The following AGBL1 variants were observed in gnomAD, a reference collection of about 807,000 sequenced individuals.
AGBL1 encodes the protein cytosolic carboxypeptidase 4.
Under a neutral mutation model 118.9 loss-of-function variants are expected in AGBL1, and 130 were observed. The ratio of observed to expected loss-of-function variants is 1.09; its 90% CI spans 0.95 to 1.26. The LOEUF is 1.26. Ranked by LOEUF, AGBL1 falls within the 50% of genes most tolerant of loss-of-function variation. The pLI is 0.00. For synonymous variants in AGBL1, 555 were observed against 478.9 expected (o/e 1.16, Z -2.08); for missense variants, 1,584 against 1,298.1 (o/e 1.22, Z -3.38).
chr15:86,949,482 G>A (rs2080857081), intron 23 of AGBL1, among the ~76,000 whole-genome samples: 1 of 151,964 alleles, frequency 6.6e-6, no homozygotes, highest in Non-Finnish European at 1.5e-5. Context: ...AAAACTCCTA[G>A]AATAGAGAGG....
Position 86,636,786 on chromosome 15 carries a change from G to A in AGBL1, c.2995-37487G>A, listed in dbSNP as rs193206689. On this transcript the variant is annotated intron_variant, in intron 21 of 22. Coordinates refer to ENST00000614907, the MANE Select transcript of AGBL1 (RefSeq NM_001386094.1). ...ACATACATACAGAAAGGCAAGAGAA[G>A]ATTACCTTCTTTAATACATTTAACT... is the stretch of plus-strand genomic sequence containing the variant. Among the ~76,000 whole-genome samples the A allele has an allele frequency of 2.2e-3, 253 of 112,564 alleles. 6 individuals carry two copies. Among genetic ancestry groups the A allele is most frequent in the Non-Finnish European group, 3.7e-3 (203 of 55,388 alleles). The allele number at this position is 112,564 out of a possible 152,430, so 73.8% of individuals were successfully genotyped here.
chr15:86,969,357 T>A (rs139280257), intron 23 of AGBL1, among the ~76,000 whole-genome samples: 88 of 151,600 alleles, frequency 5.8e-4, no homozygotes, highest in African/African-American at 1.9e-3. Context: ...CCAACTTGAG[T>A]TGTTGCAAGA....
At chr15:86,666,419 T>C (rs901780778) in intron 21 of AGBL1, among the ~76,000 whole-genome samples, 2 of 152,306 alleles carry the variant, frequency 1.3e-5, no homozygotes, top group Admixed American at 1.3e-4. Context: ...TCTAATAAAT[T>C]TTGTCTTTCA....
intron 23 of AGBL1, among the ~76,000 whole-genome samples, chr15:86,984,679 ATTGAG>A (rs1308914166): frequency 3.3e-5 from 5 of 152,008 alleles, no homozygotes; most frequent in Non-Finnish European, 5.9e-5. Context: ...TCTTTTTATG[ATTGAG>A]TTAAGTGTCC....
intron 18 of AGBL1, among the ~76,000 whole-genome samples, chr15:86,457,528 T>G (rs992069378): frequency 1.3e-4 from 20 of 152,122 alleles, no homozygotes; most frequent in East Asian, 3.9e-4. Context: ...TTCAGGAGAA[T>G]TTTAGAGTCA....
At chr15:86,897,764 C>CTTTTTTTTTT (rs71460231) in intron 22 of AGBL1, among the ~76,000 whole-genome samples, 254 of 80,630 alleles carry the variant, frequency 3.2e-3, no homozygotes, top group African/African-American at 3.8e-3. Context: ...CATCTTTTAT[C>CTTTTTTTTTT]TTTTTTTTTT....
chr15:86,283,684 T>C (rs1344721525), intron 16 of AGBL1, among the ~76,000 whole-genome samples: 3 of 152,092 alleles, frequency 2.0e-5, no homozygotes, highest in African/African-American at 7.2e-5. Flanking sequence ...ATCAGCACTG[T>C]CAAGTAATCA....
intron 21 of AGBL1, among the ~76,000 whole-genome samples, chr15:86,602,902 T>C (rs1010074601): frequency 2.0e-5 from 3 of 152,176 alleles, no homozygotes; most frequent in African/African-American, 7.2e-5. Context: ...CCTCCAGCAG[T>C]GGACCAGTGG....
rs68185029 is a variant in AGBL1, at chr15:86,849,517, C to CTTTTTTTTT, written c.3159-57563_3159-57555dup. ...AGGTGATGGCTTTCTTTCTTTCTTT[C>CTTTTTTTTT]TTTTTTTTTTTTTTTGGCTGATCTT... On this transcript the variant is annotated intron_variant, in intron 22 of 22. Transcript: ENST00000614907. 1.9e-3 allele frequency among the ~76,000 whole-genome samples: 255 copies of CTTTTTTTTT among 136,726 alleles called. 4 individuals are homozygous for CTTTTTTTTT. The highest frequency in any genetic ancestry group is 6.1e-3 in the African/African-American group (229 of 37,294). 89.7% of individuals were successfully genotyped at this position (136,726 alleles called of 152,430 possible).
chr15:86,775,007 A>T (rs1298350589), intron 22 of AGBL1, among the ~76,000 whole-genome samples: 1 of 152,198 alleles, frequency 6.6e-6, no homozygotes, highest in Non-Finnish European at 1.5e-5. Flanking sequence ...TTGTTTATTC[A>T]TATCCCAAAA....
At chr15:86,647,542 A>G (rs1006373101) in intron 21 of AGBL1, among the ~76,000 whole-genome samples, 2 of 152,294 alleles carry the variant, frequency 1.3e-5, no homozygotes, top group South Asian at 4.1e-4. Context: ...CTCTACTAAA[A>G]ATACAAAAAT....
chr15:87,011,227 G>A (rs1246381181), intron 24 of AGBL1, among the ~76,000 whole-genome samples: 1 of 152,174 alleles, frequency 6.6e-6, no homozygotes, highest in Non-Finnish European at 1.5e-5. Flanking sequence ...ACTGTGTATT[G>A]AAGGAGACTA....
chr15:86,123,488 C>A (rs1164070803), intron 1 of AGBL1, among the ~76,000 whole-genome samples: 1 of 152,230 alleles, frequency 6.6e-6, no homozygotes, highest in South Asian at 2.1e-4. Flanking sequence ...GATCCGCCTG[C>A]CTCGGCCTCT....
chr15:86,726,811 T>C (rs1291978497), intron 22 of AGBL1, among the ~76,000 whole-genome samples: 1 of 152,120 alleles, frequency 6.6e-6, no homozygotes, highest in Non-Finnish European at 1.5e-5. Flanking sequence ...TGCCTCGGCC[T>C]CCCAAAGTGC....
rs78455708 is a variant in AGBL1 at position 86,739,753 on chromosome 15, G to A, written c.3158+65317G>A. ...TCATTGTCCCTTTCAAAACCCTAAT[G>A]CACTGGAAACAAGGGAGGATGCAAA... On this transcript the variant is annotated intron_variant, in intron 22 of 22. Coordinates refer to ENST00000614907, the MANE Select transcript of AGBL1 (RefSeq NM_001386094.1). 2.1e-3 allele frequency among the ~76,000 whole-genome samples: 320 copies of A among 152,152 alleles called. 1 individual carries two copies. Among genetic ancestry groups the A allele is most frequent in the African/African-American group, 7.3e-3 (302 of 41,512 alleles).
At chr15:86,795,733 C>T (rs1018511198) in intron 22 of AGBL1, among the ~76,000 whole-genome samples, 4 of 151,400 alleles carry the variant, frequency 2.6e-5, no homozygotes, top group East Asian at 3.9e-4. Context: ...TACAGGTGCT[C>T]GCCACAACAC....
Position 86,306,542 on chromosome 15 carries a change from G to A in AGBL1, c.2374+11134G>A, listed in dbSNP as rs139266075. Among the ~76,000 whole-genome samples, 9 of 152,020 alleles carry A rather than the reference G, an allele frequency of 5.9e-5. No individual in the cohort carries two copies. The East Asian group carries it at 1.2e-3, about 20-fold the overall frequency. ...TACTCCATTATGTATATGTAACCAC[G>A]TTTTCTTTATTCATTCATGTGTTGA... On this transcript the variant is annotated intron_variant, in intron 17 of 22. Transcript: ENST00000614907.
chr15:86,327,538 G>A (rs2080201769), intron 17 of AGBL1, among the ~76,000 whole-genome samples: 1 of 152,178 alleles, frequency 6.6e-6, no homozygotes, highest in Non-Finnish European at 1.5e-5. Context: ...AGCGATGAAA[G>A]CCACCTAAGA....
At chr15:86,345,721 T>C (rs772608756) in intron 17 of AGBL1, among the ~76,000 whole-genome samples, 13 of 152,200 alleles carry the variant, frequency 8.5e-5, no homozygotes, top group Admixed American at 2.0e-4. Flanking sequence ...TGACAATTGA[T>C]TGGTCAATAA....
Sources: allele counts gnomAD v4.1 joint callset (sites outside exome capture counted in the v4.1 genomes callset), GRCh38; gene constraint gnomAD v4.1.1; transcripts MANE v1.5; gene names NCBI Gene and HGNC (gene_info 2026-07-23, HGNC 2026-07-21).